SIL1: variants seen among roughly 807,000 people sequenced by gnomAD.
SIL1 encodes nucleotide exchange factor SIL1.
Under a neutral mutation model 49.1 loss-of-function variants are expected in SIL1, and 40 were observed. The ratio of observed to expected loss-of-function variants is 0.81; its 90% CI spans 0.63 to 1.06. The LOEUF (loss-of-function observed/expected upper bound fraction) is 1.06, where lower values mean the gene tolerates loss of function less well. Among genes scored for constraint, SIL1 ranks in the 50% least tolerant of loss-of-function variants. The pLI, the probability that SIL1 is intolerant of heterozygous loss-of-function variation, is 0.00. For missense variants in SIL1, 500 were observed against 572.6 expected, an observed-to-expected ratio of 0.87 and a Z score of 1.29; for synonymous variants, 253 against 250.8, an observed-to-expected ratio of 1.01 and a Z score of -0.08.
intron 5 of SIL1, among the ~76,000 whole-genome samples, chr5:139,030,313 C>T (rs1442725595): frequency 6.6e-6 from 1 of 151,668 alleles, no homozygotes; most frequent in East Asian, 1.9e-4. Flanking sequence ...AAGATGAAAC[C>T]CCTTCTCTGC....
At position 139,196,378 on chromosome 5, in the gene SIL1, G is replaced by A. The variant is rs1265064994; in HGVS notation, c.-11+1891C>T. The A allele has an allele frequency of 3.9e-5, 6 of 152,144 alleles. No individual in the cohort carries two copies. The East Asian group carries it at 9.6e-4, about 24-fold the overall frequency. The allele number at this position is 152,144 out of a possible 1,614,324, so 9.4% of individuals were successfully genotyped here. A position where few individuals can be genotyped will look rare whatever the true frequency, so the allele number is the denominator to read the frequency against. Reference sequence around the variant, plus strand: ...CTACACCTGCACACATCACTCTAAAGGAGAACATTCATTGGTGGATCAAGT... The same window carrying A: ...CTACACCTGCACACATCACTCTAAAAGAGAACATTCATTGGTGGATCAAGT... On this transcript the variant is annotated intron_variant, in intron 1 of 9. Transcript: ENST00000394817.
intron 1 of SIL1, among the ~76,000 whole-genome samples, chr5:139,149,994 G>C (rs1751266548): frequency 6.6e-6 from 1 of 152,184 alleles, no homozygotes; most frequent in South Asian, 2.1e-4. Context: ...CCTGCTATAA[G>C]CCTGCAACTT....
chr5:139,047,042 A>C (rs1277341999), intron 4 of SIL1, among the ~76,000 whole-genome samples: 14 of 152,182 alleles, frequency 9.2e-5, no homozygotes, highest in Non-Finnish European at 2.9e-5. Context: ...TTGTGAAATA[A>C]ATAAATGGAG....
intron 3 of SIL1, among the ~76,000 whole-genome samples, chr5:139,112,553 G>A (rs1770882656): frequency 6.6e-6 from 1 of 151,834 alleles, no homozygotes; most frequent in Non-Finnish European, 1.5e-5. Flanking sequence ...GAGAAGTGAG[G>A]AGCCCCTCCG....
At chr5:138,980,723 T>TAGAA (rs1489064465) in intron 7 of SIL1, among the ~76,000 whole-genome samples, 2 of 152,254 alleles carry the variant, frequency 1.3e-5, no homozygotes, top group East Asian at 3.9e-4. Flanking sequence ...TGGTGCCAAT[T>TAGAA]AGAAAGAAAG....
chr5:139,054,793 G>A (rs1211838121), intron 3 of SIL1, among the ~76,000 whole-genome samples: 1 of 152,066 alleles, frequency 6.6e-6, no homozygotes, highest in African/African-American at 2.4e-5. Flanking sequence ...CCACCACAGG[G>A]GGCAAGAGCA....
At chr5:139,175,797 T>A (rs2151817483) in intron 1 of SIL1, among the ~76,000 whole-genome samples, 1 of 152,224 alleles carries the variant, frequency 6.6e-6, no homozygotes, top group South Asian at 2.1e-4. Context: ...AACCCGTCTC[T>A]ACTAAAAATA....
intron 7 of SIL1, among the ~76,000 whole-genome samples, chr5:139,010,426 G>T (rs1196005894): frequency 6.6e-6 from 1 of 151,536 alleles, no homozygotes; most frequent in South Asian, 2.1e-4. Context: ...CCATAGCTCA[G>T]AGTAATTTGA....
chr5:139,168,150 G>T (rs1751661513), intron 1 of SIL1, among the ~76,000 whole-genome samples: 1 of 152,214 alleles, frequency 6.6e-6, no homozygotes, highest in South Asian at 2.1e-4. Context: ...ATAAAGCTTA[G>T]ATGTGTGGTA....
chr5:139,022,562 T>A (rs1581037361), intron 6 of SIL1: 1 of 152,324 alleles, frequency 6.6e-6, no homozygotes, highest in Middle Eastern at 3.4e-3. Context: ...GAGTATGAAT[T>A]TGATCAGAAA....
At position 138,951,314 on chromosome 5, in the gene SIL1, G is replaced by A; in HGVS notation, c.886C>T (p.Leu296=). 6.4e-7 allele frequency: 1 copy of A among 1,557,438 alleles called. No individual in the cohort carries two copies. Among genetic ancestry groups the A allele is most frequent in the Non-Finnish European group, 8.7e-7 (1 of 1,150,126 alleles). The change falls in exon 9 of 10, where the codon CTG becomes TTG. Residue 296 remains leucine, a synonymous_variant. Transcript: ENST00000394817. ...TGGGCATAGGGGAAGTGGCGCAGCA[G>A]GGAGCACAGTGCAAACAGGACCTGG... ...KKKVLFALCS[L]LRHFPYAQRQ... is the part of the protein sequence containing the mutation.
At chr5:139,182,803 A>G (rs769466432) in intron 1 of SIL1, among the ~76,000 whole-genome samples, 3 of 152,202 alleles carry the variant, frequency 2.0e-5, no homozygotes, top group African/African-American at 4.8e-5. Flanking sequence ...AGGGGGGTTG[A>G]GTAGCTCCTC....
intron 3 of SIL1, among the ~76,000 whole-genome samples, chr5:139,069,135 A>G (rs901376082): frequency 1.3e-5 from 2 of 152,142 alleles, no homozygotes; most frequent in East Asian, 3.9e-4. Context: ...TAAAAATAAA[A>G]AAGTCAGTCA....
chr5:138,990,387 G>T (rs532763217), intron 7 of SIL1, among the ~76,000 whole-genome samples: 26 of 152,148 alleles, frequency 1.7e-4, no homozygotes, highest in Non-Finnish European at 3.5e-4. Flanking sequence ...ACCGTAGAAG[G>T]TAACCTGGGG....
At position 139,026,960 on chromosome 5, in the gene SIL1, G is replaced by A. The variant is rs1561834143; in HGVS notation, c.486C>T (p.Arg162=). The change falls in exon 6 of 10, where the codon CGC becomes CGT. Residue 162 remains arginine (R), a synonymous_variant. Transcript: ENST00000394817. ...AGTCTTTCTTCAGTTCCTCAATGGGGCGGAAGAGCCGCTTTACCTCAGCCT... is the reference window on the plus strand; with the variant it reads ...AGTCTTTCTTCAGTTCCTCAATGGGACGGAAGAGCCGCTTTACCTCAGCCT... ...ARQAEVKRLF[R]PIEELKKDFD... is the part of the protein sequence containing the mutation. The A allele has an allele frequency of 1.2e-6, 2 of 1,614,160 alleles. No individual in the cohort carries two copies. The highest frequency in any genetic ancestry group is 3.3e-5 in the Admixed American group (2 of 60,012).
intron 6 of SIL1, among the ~76,000 whole-genome samples, chr5:139,025,373 A>G (rs1768621579): frequency 6.6e-6 from 1 of 152,120 alleles, no homozygotes; most frequent in Admixed American, 6.5e-5. Flanking sequence ...GAGCAATTAC[A>G]TAATCTCTCT....
intron 6 of SIL1, among the ~76,000 whole-genome samples, chr5:139,022,910 C>T (rs1768560808): frequency 1.3e-5 from 2 of 152,142 alleles, no homozygotes; most frequent in Non-Finnish European, 2.9e-5. Context: ...GGTTGTCCTT[C>T]CTCTGGGTTT....
chr5:138,991,032 A>G (rs897329161), intron 7 of SIL1, among the ~76,000 whole-genome samples: 1 of 152,240 alleles, frequency 6.6e-6, no homozygotes, highest in African/African-American at 2.4e-5. Context: ...CGGCTTTTTA[A>G]AACAGTCTTT....
At chr5:139,014,900 A>G (rs1768365410) in intron 7 of SIL1, among the ~76,000 whole-genome samples, 1 of 152,146 alleles carries the variant, frequency 6.6e-6, no homozygotes, top group African/African-American at 2.4e-5. Flanking sequence ...TTTTATTCAA[A>G]CACTGGCATC....
Sources: allele counts gnomAD v4.1 joint callset (sites outside exome capture counted in the v4.1 genomes callset), GRCh38; gene constraint gnomAD v4.1.1; transcripts MANE v1.5; gene names NCBI Gene and HGNC (gene_info 2026-07-23, HGNC 2026-07-21).